MBNL2: variants seen among roughly 807,000 people sequenced by gnomAD.
The protein encoded by MBNL2 is muscleblind like splicing regulator 2.
Under a neutral mutation model 41.9 loss-of-function variants are expected in MBNL2, and 17 were observed. That is an observed-to-expected ratio of 0.41 (90% CI 0.28 to 0.61). MBNL2 has a LOEUF of 0.61. MBNL2 is among the 20% of genes least tolerant of loss of function. The pLI, the probability that MBNL2 is intolerant of heterozygous loss-of-function variation, is 0.35. For missense variants in MBNL2, 336 were observed against 505.6 expected, an observed-to-expected ratio of 0.66 and a Z score of 3.22; for synonymous variants, 195 against 182.9, an observed-to-expected ratio of 1.07 and a Z score of -0.53.
chr13:97,344,989 T>G (rs2061720737), intron 4 of MBNL2, among the ~76,000 whole-genome samples: 1 of 152,208 alleles, frequency 6.6e-6, no homozygotes, highest in Non-Finnish European at 1.5e-5. Context: ...ATTCCATTGA[T>G]GGAGGAAGGC....
intron 1 of MBNL2, among the ~76,000 whole-genome samples, chr13:97,245,455 G>A (rs149927194): frequency 2.0e-5 from 3 of 152,180 alleles, no homozygotes; most frequent in East Asian, 1.9e-4. Context: ...GTCATCCCCC[G>A]TCTTCTCCCT....
At chr13:97,147,039 G>A in the MBNL2 span, among the ~76,000 whole-genome samples, 13 of 152,158 alleles carry the variant, frequency 8.5e-5, no homozygotes, top group Non-Finnish European at 4.4e-5. Flanking sequence ...TTAGATACAA[G>A]ATTACATTGG....
chr13:97,222,684 G>A (rs2040986922), intron 1 of MBNL2, among the ~76,000 whole-genome samples, 153 bp downstream of exon 1: 1 of 152,192 alleles, frequency 6.6e-6, no homozygotes, highest in Non-Finnish European at 1.5e-5. Flanking sequence ...GTAACATTTT[G>A]ATTTGAGAAA....
At chr13:97,357,775 A>C in intron 7 of MBNL2, 140 bp downstream of exon 7, 1 of 848,496 alleles carries the variant, frequency 1.2e-6, no homozygotes, top group South Asian at 1.4e-5. Flanking sequence ...TAGCTATCTA[A>C]ATGTATTTAC....
Position 97,351,909 on chromosome 13 carries a change from G to A in MBNL2, c.804+4842G>A, listed in dbSNP as rs1469301116. 3.9e-5 allele frequency among the ~76,000 whole-genome samples: 6 copies of A among 152,050 alleles called. No individual in the cohort carries two copies. The East Asian group carries it at 1.2e-3, about 29-fold the overall frequency. On this transcript the variant is annotated intron_variant, in intron 5 of 8. Transcript: ENST00000679496. ...CATGGTGGTGCACGCTATAATTCCAGCTACTCGAAGAGCTGAGGCATGAGA... is the reference window on the plus strand; with the variant it reads ...CATGGTGGTGCACGCTATAATTCCAACTACTCGAAGAGCTGAGGCATGAGA...
rs11423615 is a variant in MBNL2 at position 97,287,918 on chromosome 13, G to GTTTTTTTTTTTTT, written c.174+11519_174+11520insTTTTTTTTTTTTT. ...TGCCACCAGGCCCGGCTAATTTTCT[G>GTTTTTTTTTTTTT]TTTTTTTTTTGTTTTGTTTTGTTTT... is the stretch of plus-strand genomic sequence containing the variant. On this transcript the variant is annotated intron_variant, in intron 2 of 8. Transcript: ENST00000679496. Among the ~76,000 whole-genome samples, 17 of 124,618 alleles carry GTTTTTTTTTTTTT rather than the reference G, an allele frequency of 1.4e-4. 2 individuals carry two copies. The highest frequency in any genetic ancestry group is 5.9e-4 in the African/African-American group (17 of 28,776). 81.8% of individuals were successfully genotyped at this position (124,618 alleles called of 152,430 possible). A position where few individuals can be genotyped will look rare whatever the true frequency, so the allele number is the denominator to read the frequency against.
chr13:97,218,546 G>A (rs2040606556), upstream of MBNL2, among the ~76,000 whole-genome samples: 2 of 151,268 alleles, frequency 1.3e-5, no homozygotes, highest in South Asian at 2.1e-4. Context: ...GGGCAAATTC[G>A]AAGGTACTGT....
intron 7 of MBNL2, among the ~76,000 whole-genome samples, chr13:97,363,885 C>G (rs1303760773): frequency 6.6e-6 from 1 of 151,760 alleles, no homozygotes; most frequent in African/African-American, 2.4e-5. Flanking sequence ...GCGTGAACAG[C>G]TCCACAGAGA....
chr13:97,222,428 G>C lies in MBNL2; in HGVS notation c.-708G>C. On this transcript the variant is annotated 5_prime_UTR_variant, in exon 1 of 9. The change abolishes an upstream ATG in the 5' untranslated region. Transcript: ENST00000679496. ...AACAGGGAATGAGAACTATTTACAT[G>C]GAAGTTTCTTTCTCATGATGCGGTG... 1 of 398,644 alleles carries C rather than the reference G, an allele frequency of 2.5e-6. No homozygotes were observed. The allele number at this position is 398,644 out of a possible 1,614,324, so 24.7% of individuals were successfully genotyped here. A position where few individuals can be genotyped will look rare whatever the true frequency, so the allele number is the denominator to read the frequency against.
At chr13:97,263,669 G>A (rs1303633119) in intron 1 of MBNL2, among the ~76,000 whole-genome samples, 1 of 152,182 alleles carries the variant, frequency 6.6e-6, no homozygotes, top group Non-Finnish European at 1.5e-5. Context: ...CCAGGCTGGA[G>A]TGCGGTGGTG....
At chr13:97,327,452 CT>C (rs1394650247) in intron 2 of MBNL2, among the ~76,000 whole-genome samples, 1 of 150,182 alleles carries the variant, frequency 6.7e-6, no homozygotes, top group Non-Finnish European at 1.5e-5. Flanking sequence ...TCCTGAGCAA[CT>C]CCTGCTCTAA....
rs1400001313 is a variant in MBNL2, at chr13:97,393,661, A to T, written c.*2212A>T. The T allele has an allele frequency of 6.6e-6, 1 of 152,530 alleles. No homozygotes were observed. The highest frequency in any genetic ancestry group is 1.5e-5 in the Non-Finnish European group (1 of 67,972). 9.4% of individuals were successfully genotyped at this position (152,530 alleles called of 1,614,324 possible). On this transcript the variant is annotated 3_prime_UTR_variant, in exon 9 of 9. Transcript: ENST00000679496. Reference sequence around the variant, plus strand: ...CAGATTTTGCTTTTTATTTATTTATAATGTAATTTTATAGAATAATTCTGG... The same window carrying T: ...CAGATTTTGCTTTTTATTTATTTATTATGTAATTTTATAGAATAATTCTGG...
the MBNL2 span, among the ~76,000 whole-genome samples, chr13:97,209,922 A>C: frequency 1.3e-5 from 2 of 152,144 alleles, no homozygotes; most frequent in African/African-American, 4.8e-5. Flanking sequence ...CAGCCTCCCA[A>C]GTACCTGGGA....
chr13:97,347,855 A>T (rs959131933), intron 5 of MBNL2, among the ~76,000 whole-genome samples: 1 of 152,172 alleles, frequency 6.6e-6, no homozygotes, highest in East Asian at 1.9e-4. Context: ...CAGAATCCTC[A>T]GCCTCACCCC....
chr13:97,205,187 T>C, the MBNL2 span, among the ~76,000 whole-genome samples: 6 of 140,292 alleles, frequency 4.3e-5, no homozygotes, highest in African/African-American at 1.6e-4. Flanking sequence ...AAAAATTATA[T>C]ATATATAAAT....
At chr13:97,279,441 G>C (rs1187827461) in intron 2 of MBNL2, among the ~76,000 whole-genome samples, 1 of 152,212 alleles carries the variant, frequency 6.6e-6, no homozygotes, top group Non-Finnish European at 1.5e-5. Context: ...GGCAATATTA[G>C]TTTCTTTCCC....
chr13:97,313,671 A>G lies in MBNL2; in HGVS notation c.175-20605A>G, dbSNP rs1004448860. 2.6e-5 allele frequency among the ~76,000 whole-genome samples: 4 copies of G among 152,322 alleles called. No individual in the cohort carries two copies. In the South Asian group the frequency reaches 6.2e-4, roughly 24 times the overall value. ...CTGCAGCACTGCTCCAAAAGCTGGT[A>G]GCAGAGATGGCTGATCTATTCCCAG... is the stretch of plus-strand genomic sequence containing the variant. On this transcript the variant is annotated intron_variant, in intron 2 of 8. Transcript: ENST00000679496.
the MBNL2 span, among the ~76,000 whole-genome samples, chr13:97,161,090 T>G: frequency 6.6e-6 from 1 of 152,190 alleles, no homozygotes; most frequent in Non-Finnish European, 1.5e-5. Context: ...ACTGAAGCCC[T>G]TTATCTTCTT....
At chr13:97,335,368 AT>A (rs1343937997) in intron 3 of MBNL2, among the ~76,000 whole-genome samples, 1 of 152,108 alleles carries the variant, frequency 6.6e-6, no homozygotes, top group Non-Finnish European at 1.5e-5. Flanking sequence ...TTGTATAAAA[AT>A]CCCTTTATTG....
Sources: allele counts gnomAD v4.1 joint callset (sites outside exome capture counted in the v4.1 genomes callset), GRCh38; gene constraint gnomAD v4.1.1; transcripts MANE v1.5; gene names NCBI Gene and HGNC (gene_info 2026-07-23, HGNC 2026-07-21).